Variants in DNAAF8 observed in about 807,000 individuals in gnomAD.
The protein encoded by DNAAF8 is dynein axonemal-associated protein 1.
In DNAAF8, 61 loss-of-function variants were observed where a neutral mutation model predicts 54.6. The ratio of observed to expected loss-of-function variants is 1.12; its 90% confidence interval spans 0.91 to 1.38. The LOEUF (loss-of-function observed/expected upper bound fraction) is 1.38. Ranked by LOEUF, DNAAF8 falls within the 40% of genes most tolerant of loss-of-function variation. DNAAF8 has a pLI of 0.00. For missense variants in DNAAF8, 837 were observed against 665.0 expected (o/e 1.26, Z -2.85); for synonymous variants, 320 against 270.1 (o/e 1.18, Z -1.81).
At chr16:4,745,716 C>T (rs866440555) in intron 6 of DNAAF8, among the ~76,000 whole-genome samples, 2 of 152,074 alleles carry the variant, frequency 1.3e-5, no homozygotes, top group Admixed American at 6.6e-5. Flanking sequence ...TTTGGAAGGC[C>T]GAGGCAGGCA....
intron 6 of DNAAF8, among the ~76,000 whole-genome samples, chr16:4,745,962 A>AAG (rs1358764864): frequency 6.6e-6 from 1 of 151,884 alleles, no homozygotes; most frequent in East Asian, 1.9e-4. Flanking sequence ...CAAAAAAAAA[A>AAG]AAAAAAAGAA....
chr16:4,738,808 G>C (rs968488288), intron 3 of DNAAF8, among the ~76,000 whole-genome samples: 1 of 151,960 alleles, frequency 6.6e-6, no homozygotes, highest in Admixed American at 6.6e-5. Flanking sequence ...GCTTGGACCC[G>C]GGGGAGCAGA....
At chr16:4,745,150 G>A (rs2081998603) in intron 6 of DNAAF8, 139 bp downstream of exon 6, 7 of 1,149,450 alleles carry the variant, frequency 6.1e-6, no homozygotes, top group East Asian at 2.6e-5. Flanking sequence ...TCAGGCAGTC[G>A]CTCCAGTCAT....
chr16:4,743,417 A>C (rs991309611), intron 5 of DNAAF8: 6 of 337,442 alleles, frequency 1.8e-5, no homozygotes, highest in East Asian at 6.1e-5. Context: ...ACCCCACCCC[A>C]TGACCCATAC....
chr16:4,738,190 CTCT>C (rs963941965), intron 3 of DNAAF8, among the ~76,000 whole-genome samples: 11 of 152,272 alleles, frequency 7.2e-5, no homozygotes, highest in African/African-American at 2.4e-4. Context: ...TTTGACCCTT[CTCT>C]TCTTCTTGAT....
intron 3 of DNAAF8, 169 bp downstream of exon 3, chr16:4,738,115 C>T (rs1198695176): frequency 7.2e-6 from 6 of 834,206 alleles, no homozygotes; most frequent in Non-Finnish European, 1.1e-5. Context: ...AACCTCCACG[C>T]ACCTCCCTCT....
chr16:4,740,719 T>G, intron 4 of DNAAF8, 60 bp downstream of exon 4: 1 of 1,489,640 alleles, frequency 6.7e-7, no homozygotes, highest in Non-Finnish European at 9.0e-7. Context: ...ATGGCTGCTG[T>G]TCCCATGCAC....
Position 4,746,951 on chromosome 16 carries a change from T to TGAG in DNAAF8, c.1221_1223dup (p.Glu409dup), listed in dbSNP as rs763869305. On this transcript the variant is annotated inframe_insertion, in exon 8 of 10. Coordinates refer to ENST00000299320, the MANE Select transcript of DNAAF8 (RefSeq NM_139170.3). The stretch of plus-strand genomic sequence containing the variant: ...GCTCCAGCCACAGCTCCTCTGACAG[T>TGAG]GAGGAGGAGGAGGAGGAAGAGATGG... 6.1e-5 allele frequency: 94 copies of TGAG among 1,553,524 alleles called. No homozygotes were observed. The highest frequency in any genetic ancestry group is 1.7e-4 in the Middle Eastern group (1 of 5,908).
chr16:4,739,265 G>GTTTTTTTTTTTTGTTTTTTTTTTT (rs2081931962), intron 3 of DNAAF8, among the ~76,000 whole-genome samples: 3 of 69,024 alleles, frequency 4.3e-5, no homozygotes, highest in Non-Finnish European at 7.8e-5. Flanking sequence ...ATTTTTTCTT[G>GTTTTTTTTTTTTGTTTTTTTTTTT]TTTTTTTTTT....
intron 3 of DNAAF8, among the ~76,000 whole-genome samples, chr16:4,739,265 G>GTTTTTTCTTTTTTTTTTTTTTT (rs2081931651): frequency 1.4e-5 from 1 of 69,030 alleles, no homozygotes; most frequent in Non-Finnish European, 2.6e-5. Context: ...ATTTTTTCTT[G>GTTTTTTCTTTTTTTTTTTTTTT]TTTTTTTTTT....
chr16:4,746,211 GCTGTT>G, intron 6 of DNAAF8, 159 bp from the exon 7 acceptor site: 1 of 688,966 alleles, frequency 1.5e-6, no homozygotes, highest in Non-Finnish European at 2.3e-6. Context: ...AATCTCGCAT[GCTGTT>G]CTGAAGAGTA....
chr16:4,740,697 G>C (rs1248044710), intron 4 of DNAAF8, 38 bp downstream of exon 4: 1 of 1,530,132 alleles, frequency 6.5e-7, no homozygotes, highest in East Asian at 2.3e-5. Flanking sequence ...TCTCAGGCCT[G>C]TTACCTGTGG....
At chr16:4,745,804 T>A (rs1475283943) in intron 6 of DNAAF8, among the ~76,000 whole-genome samples, 1 of 151,932 alleles carries the variant, frequency 6.6e-6, no homozygotes, top group African/African-American at 2.4e-5. Context: ...CACAAAAAAA[T>A]TTTCCAGGCA....
At chr16:4,741,625 C>T (rs965208668) in intron 4 of DNAAF8, among the ~76,000 whole-genome samples, 4 of 152,030 alleles carry the variant, frequency 2.6e-5, no homozygotes, top group Non-Finnish European at 5.9e-5. Context: ...CATGGTGAAA[C>T]CGTGACTCTA....
chr16:4,737,664 A>G, intron 2 of DNAAF8, 136 bp from the exon 3 acceptor site: 2 of 1,115,142 alleles, frequency 1.8e-6, no homozygotes, highest in Non-Finnish European at 2.6e-6. Flanking sequence ...GCTCCTGAGC[A>G]GCAGGGCTGG....
At chr16:4,740,861 A>T (rs2081953203) in intron 4 of DNAAF8, among the ~76,000 whole-genome samples, 1 of 152,098 alleles carries the variant, frequency 6.6e-6, no homozygotes, top group Non-Finnish European at 1.5e-5. Flanking sequence ...TAACAAGAAC[A>T]AAGAACAAGC....
intron 3 of DNAAF8, among the ~76,000 whole-genome samples, chr16:4,738,687 A>G (rs1323192972): frequency 6.6e-6 from 1 of 152,214 alleles, no homozygotes; most frequent in Admixed American, 6.5e-5. Context: ...GTTTGAGACC[A>G]GCCTGGCCAA....
chr16:4,740,382 A>T lies in DNAAF8; in HGVS notation c.506A>T (p.Gln169Leu). Residue 169 changes from glutamine to leucine, a missense_variant, in exon 4 of 10, where the codon CAG becomes CTG. By Grantham distance (113) the Gln-to-Leu change is moderately radical. Transcript: ENST00000299320. ...TCCCAGGGTCCTCCCTGGGACCCAC[A>T]GGCCGAAGCCACTCTCTCCTGCCAT... ...KGSQGPPWDP[Q>L]AEATLSCHEG... The T allele has an allele frequency of 6.2e-7, 1 of 1,613,802 alleles. No homozygotes were observed. Among genetic ancestry groups the T allele is most frequent in the South Asian group, 1.1e-5 (1 of 91,082 alleles).
chr16:4,745,814 ATGTTGGTGC>A (rs2082007853), intron 6 of DNAAF8, among the ~76,000 whole-genome samples: 1 of 152,018 alleles, frequency 6.6e-6, no homozygotes, highest in East Asian at 1.9e-4. Flanking sequence ...TTTTCCAGGC[ATGTTGGTGC>A]ATGCCTGTAA....
Sources: allele counts gnomAD v4.1 joint callset (sites outside exome capture counted in the v4.1 genomes callset), GRCh38; gene constraint gnomAD v4.1.1; transcripts MANE v1.5; gene names NCBI Gene and HGNC (gene_info 2026-07-23, HGNC 2026-07-21).